The following NREP variants were observed in gnomAD, a reference collection of about 807,000 sequenced individuals.
The protein encoded by NREP is neuronal regeneration related protein.
NREP carries 5 observed loss-of-function variants against 8.6 expected under a neutral mutation model. That is an observed-to-expected ratio of 0.58 (90% CI 0.30 to 1.22). NREP has a LOEUF of 1.22. Among genes scored for constraint, NREP ranks in the 50% most tolerant of loss-of-function variants. NREP has a pLI of 0.07. For synonymous variants in NREP, 27 were observed against 28.0 expected (o/e 0.96, Z 0.11); for missense variants, 86 against 82.5 (o/e 1.04, Z -0.17).
chr5:111,738,072 AACT>A, intron 2 of NREP, among the ~76,000 whole-genome samples: 1 of 152,176 alleles, frequency 6.6e-6, no homozygotes, highest in South Asian at 2.1e-4. Context: ...GGTATCTAAG[AACT>A]CAGCATATCC....
At chr5:111,836,193 A>C (rs1752889068) in intron 2 of NREP, among the ~76,000 whole-genome samples, 1 of 152,142 alleles carries the variant, frequency 6.6e-6, no homozygotes, top group African/African-American at 2.4e-5. Context: ...AAACCTTGGT[A>C]GGCAATAGGT....
chr5:111,936,072 G>T (rs1755673210), intron 2 of NREP, among the ~76,000 whole-genome samples: 1 of 151,936 alleles, frequency 6.6e-6, no homozygotes, highest in African/African-American at 2.4e-5. Context: ...GTCTTCCCAT[G>T]GTGTTCTCCC....
At chr5:111,839,224 G>A (rs979932445) in intron 2 of NREP, among the ~76,000 whole-genome samples, 6 of 151,912 alleles carry the variant, frequency 3.9e-5, no homozygotes, top group Non-Finnish European at 5.9e-5. Flanking sequence ...AGGATAAATC[G>A]GCTTAAAAAA....
At chr5:111,793,320 G>A (rs1318074032) in intron 2 of NREP, among the ~76,000 whole-genome samples, 7 of 152,118 alleles carry the variant, frequency 4.6e-5, no homozygotes, top group Non-Finnish European at 8.8e-5. Flanking sequence ...GCTGGAGAAC[G>A]AGGAAAGCTA....
intron 2 of NREP, among the ~76,000 whole-genome samples, chr5:111,920,108 C>G (rs1755196224): frequency 2.0e-5 from 3 of 151,782 alleles, no homozygotes; most frequent in Admixed American, 2.0e-4. Context: ...GCCTACTCAC[C>G]CAATTCCTGA....
intron 2 of NREP, among the ~76,000 whole-genome samples, chr5:111,941,457 G>C (rs1755827243): frequency 6.6e-6 from 1 of 152,030 alleles, no homozygotes. Context: ...GTAGATGGCT[G>C]TCTTCTCCAC....
chr5:111,752,623 A>G (rs1450362669), intron 2 of NREP, among the ~76,000 whole-genome samples: 1 of 152,208 alleles, frequency 6.6e-6, no homozygotes, highest in Non-Finnish European at 1.5e-5. Context: ...CAAACTATAC[A>G]GAAAGCAGAG....
intron 2 of NREP, among the ~76,000 whole-genome samples, chr5:111,781,185 C>T (rs1288796402): frequency 6.6e-6 from 1 of 152,038 alleles, no homozygotes; most frequent in Non-Finnish European, 1.5e-5. Context: ...TCTGTTTGAA[C>T]CTTGTAGATC....
At chr5:111,911,076 C>T (rs1189545082) in intron 2 of NREP, among the ~76,000 whole-genome samples, 1 of 151,974 alleles carries the variant, frequency 6.6e-6, no homozygotes, top group Non-Finnish European at 1.5e-5. Context: ...CACCCTGTAC[C>T]CAGTGATCTC....
chr5:111,766,605 T>C (rs1751090936), intron 2 of NREP, among the ~76,000 whole-genome samples: 1 of 152,142 alleles, frequency 6.6e-6, no homozygotes, highest in Admixed American at 6.5e-5. Context: ...TATCCAAAAA[T>C]CTCTCTTCTT....
Position 111,946,901 on chromosome 5 carries a change from C to T in NREP, c.135+28373G>A, listed in dbSNP as rs115522736. 2.0e-3 allele frequency among the ~76,000 whole-genome samples: 300 copies of T among 151,982 alleles called. 1 individual carries two copies. Among genetic ancestry groups the T allele is most frequent in the African/African-American group, 6.7e-3 (278 of 41,486 alleles). On this transcript the variant is annotated intron_variant, in intron 2 of 3. Coordinates refer to the NREP transcript ENST00000395634. ...GTTTTGTAGTCAACCAATTAGGAAACCAAAACCAACCAACCAAGAAAATAT... is the reference window on the plus strand; with the variant it reads ...GTTTTGTAGTCAACCAATTAGGAAATCAAAACCAACCAACCAAGAAAATAT...
At chr5:111,878,991 A>C (rs1340703759) in intron 2 of NREP, among the ~76,000 whole-genome samples, 1 of 152,190 alleles carries the variant, frequency 6.6e-6, no homozygotes, top group Non-Finnish European at 1.5e-5. Context: ...TTGAAATGTG[A>C]CCACCAATGT....
intron 2 of NREP, among the ~76,000 whole-genome samples, chr5:111,862,050 T>C (rs1753555481): frequency 6.6e-6 from 1 of 152,216 alleles, no homozygotes; most frequent in African/African-American, 2.4e-5. Flanking sequence ...CATTAATTTT[T>C]ATCAATACGA....
chr5:111,785,886 T>C (rs551644039), intron 2 of NREP, among the ~76,000 whole-genome samples: 9 of 152,164 alleles, frequency 5.9e-5, no homozygotes, highest in Non-Finnish European at 8.8e-5. Flanking sequence ...ATACAAACTG[T>C]AGCAAGGAGA....
At chr5:111,801,858 A>G (rs145220020) in intron 2 of NREP, among the ~76,000 whole-genome samples, 1 of 152,348 alleles carries the variant, frequency 6.6e-6, no homozygotes, top group East Asian at 1.9e-4. Context: ...GATCATGGGA[A>G]AGGAGGAAAA....
At chr5:111,832,003 G>T (rs551421102) in intron 2 of NREP, among the ~76,000 whole-genome samples, 68 of 152,248 alleles carry the variant, frequency 4.5e-4, no homozygotes, top group Middle Eastern at 3.4e-3. Flanking sequence ...AGTGTTATAA[G>T]AACGCTTTCT....
intron 2 of NREP, among the ~76,000 whole-genome samples, chr5:111,800,384 C>G (rs922633544): frequency 6.6e-6 from 1 of 152,214 alleles, no homozygotes; most frequent in African/African-American, 2.4e-5. Flanking sequence ...ACTGACAGGG[C>G]CAGCTTCATG....
At chr5:111,847,584 T>C (rs1262240297) in intron 2 of NREP, among the ~76,000 whole-genome samples, 3 of 152,212 alleles carry the variant, frequency 2.0e-5, no homozygotes, top group Non-Finnish European at 2.9e-5. Flanking sequence ...CATAGTGTCC[T>C]GCAAAGCAGT....
At chr5:111,829,848 C>G (rs981861378) in intron 2 of NREP, among the ~76,000 whole-genome samples, 1 of 152,174 alleles carries the variant, frequency 6.6e-6, no homozygotes, top group Non-Finnish European at 1.5e-5. Context: ...ACCCACATAG[C>G]GTGCCATGGG....
Sources: allele counts gnomAD v4.1 joint callset (sites outside exome capture counted in the v4.1 genomes callset), GRCh38; gene constraint gnomAD v4.1.1; transcripts MANE v1.5; gene names NCBI Gene and HGNC (gene_info 2026-07-23, HGNC 2026-07-21).